Variants in DNM3 observed in about 807,000 individuals in gnomAD.
The protein encoded by DNM3 is dynamin-3.
A neutral mutation model predicts 101.6 loss-of-function variants in DNM3; 47 were observed. The ratio of observed to expected loss-of-function variants is 0.46; its 90% confidence interval spans 0.37 to 0.59. The LOEUF is 0.59. Ranked by LOEUF, DNM3 falls within the 20% of genes least tolerant of loss-of-function variation. The pLI is 0.00. For synonymous variants in DNM3, 385 were observed against 387.9 expected (o/e 0.99, Z 0.09); for missense variants, 849 against 1,085.7 (o/e 0.78, Z 3.06).
intron 13 of DNM3, among the ~76,000 whole-genome samples, chr1:172,119,218 C>T (rs767547617): frequency 3.3e-5 from 5 of 152,018 alleles, no homozygotes; most frequent in Non-Finnish European, 5.9e-5. Context: ...TCTCGAACTC[C>T]TGACTTCAGG....
chr1:172,347,521 C>T (rs1180619034), intron 17 of DNM3, among the ~76,000 whole-genome samples: 1 of 152,118 alleles, frequency 6.6e-6, no homozygotes, highest in Non-Finnish European at 1.5e-5. Context: ...AATATAATCA[C>T]TGCAATGAAA....
chr1:171,843,095 C>G (rs766856980), intron 1 of DNM3, among the ~76,000 whole-genome samples: 1 of 152,172 alleles, frequency 6.6e-6, no homozygotes, highest in African/African-American at 2.4e-5. Context: ...AATATTCCCA[C>G]ATTTCCTTTG....
At chr1:172,045,236 C>A (rs2049698674) in intron 9 of DNM3, among the ~76,000 whole-genome samples, 1 of 152,120 alleles carries the variant, frequency 6.6e-6, no homozygotes, top group Non-Finnish European at 1.5e-5. Flanking sequence ...TCTAAATTAC[C>A]TTCCATCTTA....
At position 171,901,220 on chromosome 1, in the gene DNM3, ATT is replaced by A. The variant is rs145704392; in HGVS notation, c.162-20527_162-20526del. ...CCGGAATTGAGAAATCCAAAAATTTATTGTTTTGTAATTGTGACAGAAAAAAA... is the reference window on the plus strand; with the variant it reads ...CCGGAATTGAGAAATCCAAAAATTTAGTTTTGTAATTGTGACAGAAAAAAA... On this transcript the variant is annotated intron_variant, in intron 1 of 20. Transcript: ENST00000627582. 2.5e-3 allele frequency among the ~76,000 whole-genome samples: 386 copies of A among 151,932 alleles called. 4 individuals are homozygous for A. The highest frequency in any genetic ancestry group is 8.9e-3 in the African/African-American group (370 of 41,402).
At position 171,896,624 on chromosome 1, in the gene DNM3, A is replaced by G. The variant is rs1049874569; in HGVS notation, c.162-25124A>G. Among the ~76,000 whole-genome samples the G allele has an allele frequency of 1.7e-4, 26 of 152,172 alleles. 1 individual carries two copies. The stretch of plus-strand genomic sequence containing the variant: ...GACAATTTGACTTCCTCTTTTCCTA[A>G]TTGAATACCCTTTATTTCTTTCTCT... On this transcript the variant is annotated intron_variant, in intron 1 of 20. Coordinates refer to ENST00000627582, the MANE Select transcript of DNM3 (RefSeq NM_015569.5).
intron 2 of DNM3, among the ~76,000 whole-genome samples, chr1:171,938,253 T>G (rs1449065545): frequency 6.6e-6 from 1 of 152,082 alleles, no homozygotes; most frequent in African/African-American, 2.4e-5. Context: ...GAAATTCTAA[T>G]AGCATCAAGG....
intron 1 of DNM3, among the ~76,000 whole-genome samples, chr1:171,884,507 A>C (rs950335133): frequency 6.6e-5 from 10 of 152,158 alleles, no homozygotes; most frequent in African/African-American, 2.4e-4. Context: ...CATTAGATCC[A>C]TTTGCCCTGC....
intron 17 of DNM3, among the ~76,000 whole-genome samples, chr1:172,336,276 C>T (rs1573514493): frequency 1.3e-5 from 2 of 152,034 alleles, no homozygotes; most frequent in South Asian, 2.1e-4. Context: ...AATAAGTGAA[C>T]GCATCAGGAT....
intron 18 of DNM3, among the ~76,000 whole-genome samples, chr1:172,379,963 G>A (rs1019646886): frequency 6.6e-6 from 1 of 151,960 alleles, no homozygotes; most frequent in African/African-American, 2.4e-5. Flanking sequence ...CTTGACAAGT[G>A]AGACACCAAT....
chr1:171,937,887 C>G (rs114516991), intron 2 of DNM3, among the ~76,000 whole-genome samples: 1 of 152,140 alleles, frequency 6.6e-6, no homozygotes, highest in Non-Finnish European at 1.5e-5. Flanking sequence ...CTGGCCAGAT[C>G]TGCATTTTCA....
At chr1:172,256,499 T>A (rs2062404377) in intron 15 of DNM3, among the ~76,000 whole-genome samples, 1 of 152,110 alleles carries the variant, frequency 6.6e-6, no homozygotes, top group African/African-American at 2.4e-5. Context: ...CAACTATTTC[T>A]TAATATTTTA....
At chr1:172,173,952 A>T (rs960615763) in intron 14 of DNM3, among the ~76,000 whole-genome samples, 1 of 151,702 alleles carries the variant, frequency 6.6e-6, no homozygotes, top group African/African-American at 2.4e-5. Context: ...CCTAAGAGGA[A>T]TACCAAACTA....
intron 19 of DNM3, among the ~76,000 whole-genome samples, chr1:172,387,721 AT>A (rs11306294): frequency 0.47 from 71,758 of 151,402 alleles, 20,124 homozygotes; most frequent in East Asian, 0.87. Context: ...GTCCAATATC[AT>A]TTTCTGAGAG....
intron 14 of DNM3, among the ~76,000 whole-genome samples, chr1:172,200,505 G>A (rs1229040506): frequency 6.6e-6 from 1 of 152,112 alleles, no homozygotes; most frequent in Non-Finnish European, 1.5e-5. Context: ...TGTTTTCCAA[G>A]TTATTTGCTA....
rs1165611083 is a variant in DNM3, at chr1:172,106,847, C to CTTT, written c.1545+13994_1545+13996dup. Among the ~76,000 whole-genome samples, 302 of 67,920 alleles carry CTTT rather than the reference C, an allele frequency of 4.4e-3. 50 individuals carry two copies. Among genetic ancestry groups the CTTT allele is most frequent in the Middle Eastern group, 0.02 (1 of 50 alleles). The allele number at this position is 67,920 out of a possible 152,430, so 44.6% of individuals were successfully genotyped here. The stretch of plus-strand genomic sequence containing the variant: ...TTATTCAATTTAAGGTAACATTATT[C>CTTT]TTTTTTTTTTTTTTTTTTTTTTTTG... On this transcript the variant is annotated intron_variant, in intron 13 of 20. Coordinates refer to ENST00000627582, the MANE Select transcript of DNM3 (RefSeq NM_015569.5).
chr1:172,147,683 G>A (rs77431309), intron 14 of DNM3, among the ~76,000 whole-genome samples: 3,195 of 152,116 alleles, frequency 0.021, 41 homozygotes, highest in Middle Eastern at 0.037. Context: ...CCAGATATGC[G>A]TACTTCAGCT....
At chr1:172,326,963 T>C (rs1245203647) in intron 17 of DNM3, among the ~76,000 whole-genome samples, 1 of 152,122 alleles carries the variant, frequency 6.6e-6, no homozygotes, top group Non-Finnish European at 1.5e-5. Context: ...AGGACTCTTA[T>C]ATTTTCCCCC....
At chr1:172,400,475 A>G (rs114997746) in intron 20 of DNM3, among the ~76,000 whole-genome samples, 2,047 of 152,034 alleles carry the variant, frequency 0.013, 53 homozygotes, top group African/African-American at 0.047. Context: ...GGACAGGAGA[A>G]AAGGAGGAAA....
intron 14 of DNM3, among the ~76,000 whole-genome samples, chr1:172,236,675 C>T (rs1348695173): frequency 1.3e-5 from 2 of 152,040 alleles, no homozygotes; most frequent in Non-Finnish European, 2.9e-5. Flanking sequence ...GAGGAGAATA[C>T]ATACTCTGTT....
Sources: allele counts gnomAD v4.1 joint callset (sites outside exome capture counted in the v4.1 genomes callset), GRCh38; gene constraint gnomAD v4.1.1; transcripts MANE v1.5; gene names NCBI Gene and HGNC (gene_info 2026-07-23, HGNC 2026-07-21).